DISP1: variants seen among roughly 807,000 people sequenced by gnomAD.
The protein encoded by DISP1 is dispatched RND transporter family member 1, also known as protein dispatched homolog 1.
In DISP1, 30 loss-of-function variants were observed where a neutral mutation model predicts 37.3. The observed-to-expected ratio is 0.80, with a 90% CI of 0.60 to 1.09. The LOEUF (loss-of-function observed/expected upper bound fraction) is 1.09, where lower values mean the gene tolerates loss of function less well. Ranked by LOEUF, DISP1 falls within the 50% of genes least tolerant of loss-of-function variation. The pLI is 0.00. For synonymous variants in DISP1, 634 were observed against 690.2 expected (o/e 0.92, Z 1.28); for missense variants, 1,598 against 1,879.5 (o/e 0.85, Z 2.77).
rs71564722 is a variant in DISP1 at position 222,829,446 on chromosome 1, G to GT, written c.-159+14381dup. On this transcript the variant is annotated intron_variant, in intron 1 of 8. Coordinates refer to ENST00000675850, the MANE Select transcript of DISP1 (RefSeq NM_001377229.1). ...TTTACTTCATCAGTTCTCTTTGAAT[G>GT]TTTTTTTTTTTTTCATGAGATAGAG... 3.3e-3 allele frequency among the ~76,000 whole-genome samples: 413 copies of GT among 123,346 alleles called. 2 individuals carry two copies. Among genetic ancestry groups the GT allele is most frequent in the Middle Eastern group, 0.021 (5 of 240 alleles). The allele number at this position is 123,346 out of a possible 152,430, so 80.9% of individuals were successfully genotyped here.
intron 1 of DISP1, among the ~76,000 whole-genome samples, chr1:222,926,317 A>G (rs1208304224): frequency 6.6e-6 from 1 of 152,200 alleles, no homozygotes; most frequent in African/African-American, 2.4e-5. Context: ...TTATCCACTC[A>G]TCAGTTAATG....
At chr1:222,873,689 C>G (rs1333840028) in intron 1 of DISP1, among the ~76,000 whole-genome samples, 2 of 152,098 alleles carry the variant, frequency 1.3e-5, no homozygotes, top group African/African-American at 4.8e-5. Flanking sequence ...AGATGGGTTT[C>G]CTGAATACAG....
intron 1 of DISP1, among the ~76,000 whole-genome samples, chr1:222,848,464 G>T (rs1558290867): frequency 6.6e-6 from 1 of 152,044 alleles, no homozygotes; most frequent in Non-Finnish European, 1.5e-5. Flanking sequence ...ATAAAAACTT[G>T]TAGGATTCTT....
At chr1:222,867,411 G>T (rs1669259229) in intron 1 of DISP1, among the ~76,000 whole-genome samples, 1 of 152,058 alleles carries the variant, frequency 6.6e-6, no homozygotes, top group African/African-American at 2.4e-5. Context: ...TTCTTGTGGA[G>T]GTACTTAAGT....
chr1:222,936,629 C>T (rs113177785), intron 2 of DISP1, among the ~76,000 whole-genome samples: 1 of 105,152 alleles, frequency 9.5e-6, no homozygotes, highest in Non-Finnish European at 1.8e-5. Context: ...ATATATATCT[C>T]TCATATATAT....
chr1:222,938,693 A>G (rs1017018850), intron 2 of DISP1, among the ~76,000 whole-genome samples: 4 of 144,140 alleles, frequency 2.8e-5, no homozygotes, highest in Admixed American at 7.2e-5. Context: ...TGATCGCACC[A>G]GTGCACTCAA....
At chr1:222,844,189 T>G (rs1667769458) in intron 1 of DISP1, among the ~76,000 whole-genome samples, 1 of 152,196 alleles carries the variant, frequency 6.6e-6, no homozygotes, top group Non-Finnish European at 1.5e-5. Context: ...TTGTTTCTTT[T>G]TATTCCTTTG....
At chr1:222,955,693 C>T (rs1172007128) in intron 3 of DISP1, among the ~76,000 whole-genome samples, 1 of 152,114 alleles carries the variant, frequency 6.6e-6, no homozygotes, top group Non-Finnish European at 1.5e-5. Context: ...CGGGGAATAA[C>T]CTTTCTGTTG....
intron 3 of DISP1, among the ~76,000 whole-genome samples, chr1:222,964,017 A>G (rs923535905): frequency 1.3e-5 from 2 of 152,068 alleles, no homozygotes; most frequent in African/African-American, 2.4e-5. Flanking sequence ...TTGATCCTTA[A>G]TTAAAAAAAA....
Position 223,005,616 on chromosome 1 carries a change from T to A in DISP1, c.4219T>A (p.Cys1407Ser). The A allele has an allele frequency of 6.2e-7, 1 of 1,607,826 alleles. No homozygotes were observed. Among genetic ancestry groups the A allele is most frequent in the East Asian group, 2.2e-5 (1 of 44,566 alleles). ...RSTGSLLKTC[C>S]DPENKQRELC... Reference sequence around the variant, plus strand: ...CACTGGATCGTTACTCAAAACGTGTTGCGACCCCGAGAATAAACAAAGGGA... The same window carrying A: ...CACTGGATCGTTACTCAAAACGTGTAGCGACCCCGAGAATAAACAAAGGGA... The change falls in exon 9 of 9, where the codon TGC becomes AGC. Residue 1407 changes from cysteine (C) to serine (S), a missense_variant. By Grantham distance (112) the Cys-to-Ser change is moderately radical. Coordinates refer to ENST00000675850, the MANE Select transcript of DISP1 (RefSeq NM_001377229.1).
intron 4 of DISP1, among the ~76,000 whole-genome samples, chr1:222,984,167 A>G (rs1678047437): frequency 6.6e-6 from 1 of 152,026 alleles, no homozygotes; most frequent in South Asian, 2.1e-4. Context: ...GCACTTTGGG[A>G]GGATGAGGCA....
intron 1 of DISP1, among the ~76,000 whole-genome samples, chr1:222,900,726 A>T (rs1671530071): frequency 6.6e-6 from 1 of 152,184 alleles, no homozygotes; most frequent in East Asian, 1.9e-4. Context: ...GATCAAGATG[A>T]AGGTAGTGAA....
At chr1:222,843,477 A>C (rs138746726) in intron 1 of DISP1, among the ~76,000 whole-genome samples, 1,848 of 151,930 alleles carry the variant, frequency 0.012, 58 homozygotes, top group Admixed American at 0.062. Context: ...GGCTCGTAAA[A>C]ATTTACTGAG....
intron 1 of DISP1, among the ~76,000 whole-genome samples, chr1:222,838,503 T>C (rs1338414244): frequency 6.6e-6 from 1 of 152,206 alleles, no homozygotes; most frequent in Non-Finnish European, 1.5e-5. Context: ...GCATGGTGGC[T>C]TATGCTTTTA....
intron 3 of DISP1, among the ~76,000 whole-genome samples, chr1:222,946,383 CA>C (rs71178514): frequency 0.52 from 44,142 of 85,242 alleles, 7,365 homozygotes; most frequent in East Asian, 0.69. Context: ...GACTCCATCT[CA>C]AAAAAAAAAA....
At chr1:222,848,972 C>G (rs1668075551) in intron 1 of DISP1, among the ~76,000 whole-genome samples, 1 of 152,048 alleles carries the variant, frequency 6.6e-6, no homozygotes, top group African/African-American at 2.4e-5. Flanking sequence ...TATATAATAC[C>G]ACAAAGAAGG....
intron 1 of DISP1, among the ~76,000 whole-genome samples, chr1:222,926,088 C>G (rs1175251819): frequency 6.6e-6 from 1 of 152,162 alleles, no homozygotes; most frequent in Admixed American, 6.6e-5. Context: ...CATCCTCTGT[C>G]TCCACCCCTC....
Position 223,002,956 on chromosome 1 carries a change from T to C in DISP1, c.1559T>C (p.Val520Ala). The C allele has an allele frequency of 1.9e-6, 3 of 1,613,976 alleles. No homozygotes were observed. The highest frequency in any genetic ancestry group is 2.5e-6 in the Non-Finnish European group (3 of 1,180,042). ...GTGATTGTCCTTTTAGTTATGTGTG[T>C]CTACACCAAGTCCATGTTTATCACT... The part of the protein sequence containing the change: ...AIVIVLLVMC[V>A]YTKSMFITLM... The change falls in exon 9 of 9, where the codon GTC becomes GCC. Residue 520 changes from valine (V) to alanine (A), a missense_variant. Coordinates refer to ENST00000675850, the MANE Select transcript of DISP1 (RefSeq NM_001377229.1).
chr1:222,886,854 G>A (rs1055078998), intron 1 of DISP1, among the ~76,000 whole-genome samples: 1 of 152,188 alleles, frequency 6.6e-6, no homozygotes, highest in Non-Finnish European at 1.5e-5. Context: ...TTTTGAGAGA[G>A]ATCATTTGGA....
Sources: allele counts gnomAD v4.1 joint callset (sites outside exome capture counted in the v4.1 genomes callset), GRCh38; gene constraint gnomAD v4.1.1; transcripts MANE v1.5; gene names NCBI Gene and HGNC (gene_info 2026-07-23, HGNC 2026-07-21).